OPCML: variants seen among roughly 807,000 people sequenced by gnomAD.
The protein encoded by OPCML is opioid-binding protein/cell adhesion molecule.
Under a neutral mutation model 37.8 loss-of-function variants are expected in OPCML, and 13 were observed. The observed-to-expected ratio is 0.34, with a 90% CI of 0.22 to 0.55. The LOEUF is 0.55. Among genes scored for constraint, OPCML ranks in the 20% least tolerant of loss-of-function variants. The pLI, the probability that OPCML is intolerant of heterozygous loss-of-function variation, is 0.91. For missense variants in OPCML, 341 were observed against 435.6 expected, an observed-to-expected ratio of 0.78 and a Z score of 1.93; for synonymous variants, 176 against 168.8, an observed-to-expected ratio of 1.04 and a Z score of -0.33.
At chr11:133,251,279 C>G (rs769407961) in intron 1 of OPCML, among the ~76,000 whole-genome samples, 1 of 151,838 alleles carries the variant, frequency 6.6e-6, no homozygotes, top group Non-Finnish European at 1.5e-5. Context: ...TTTTATAGAA[C>G]AGAAAAAAAG....
At chr11:133,372,490 A>G (rs74474358) in intron 1 of OPCML, among the ~76,000 whole-genome samples, 5,130 of 152,294 alleles carry the variant, frequency 0.034, 308 homozygotes, top group African/African-American at 0.12. Context: ...AAGCTCTTGG[A>G]AAATCTTTGA....
intron 1 of OPCML, among the ~76,000 whole-genome samples, chr11:133,199,989 A>G (rs1456460150): frequency 6.6e-6 from 1 of 152,208 alleles, no homozygotes; most frequent in Non-Finnish European, 1.5e-5. Context: ...GAAGTCTTTC[A>G]CAGTCTGGAT....
At chr11:133,295,638 G>T (rs1056923090) in intron 1 of OPCML, among the ~76,000 whole-genome samples, 7 of 152,148 alleles carry the variant, frequency 4.6e-5, no homozygotes, top group Admixed American at 2.0e-4. Context: ...CCTAAGAATG[G>T]CCGCTCCCTA....
intron 1 of OPCML, among the ~76,000 whole-genome samples, chr11:133,312,615 G>A (rs912149387): frequency 6.6e-6 from 1 of 152,200 alleles, no homozygotes; most frequent in African/African-American, 2.4e-5. Context: ...AATTAGTGGA[G>A]GCTCAAAGAA....
rs569186705 is a variant in OPCML, at chr11:132,644,903, A to T, written c.379+12184T>A. ...AAAAACAAATTGAATACAGGGACAA[A>T]GAATCAATAATCTAACAGAGCAACT... On this transcript the variant is annotated intron_variant, in intron 3 of 7. Coordinates refer to ENST00000524381, the MANE Select transcript of OPCML (RefSeq NM_001012393.5). 7.9e-5 allele frequency among the ~76,000 whole-genome samples: 12 copies of T among 152,380 alleles called. No individual in the cohort carries two copies. In the South Asian group the frequency reaches 2.5e-3, roughly 32 times the overall value.
rs1164939874 is a variant in OPCML, at chr11:133,211,088, AAACAGAGGCTTGCCCACTGC to A, written c.62-268098_62-268079del. ...TAGAAATGAAATGAGGCATCATTCA[AAACAGAGGCTTGCCCACTGC>A]AACTCAGCTTTCTAATCATTCGTGA... On this transcript the variant is annotated intron_variant, in intron 1 of 7. Coordinates refer to ENST00000524381, the MANE Select transcript of OPCML (RefSeq NM_001012393.5). This position sits in a 1 kb window ranked among gnomAD's most constrained non-coding sequence, Gnocchi z 4.1. 6.6e-6 allele frequency among the ~76,000 whole-genome samples: 1 copy of A among 152,226 alleles called. No individual in the cohort carries two copies. Among genetic ancestry groups the A allele is most frequent in the Non-Finnish European group, 1.5e-5 (1 of 68,036 alleles).
At chr11:133,141,098 A>AAGAAGAAGAAGG (rs1336454310) in intron 1 of OPCML, among the ~76,000 whole-genome samples, 1 of 143,386 alleles carries the variant, frequency 7.0e-6, no homozygotes, top group African/African-American at 2.5e-5. Context: ...GAAGAAGGAG[A>AAGAAGAAGAAGG]AGAAGAAGCA....
At chr11:132,679,857 C>T (rs916380846) in intron 2 of OPCML, among the ~76,000 whole-genome samples, 1 of 152,110 alleles carries the variant, frequency 6.6e-6, no homozygotes, top group Non-Finnish European at 1.5e-5. Flanking sequence ...AAAATTAATG[C>T]TATGATTATG....
chr11:132,652,385 C>CACACACACACAG (rs3222177), intron 3 of OPCML, among the ~76,000 whole-genome samples: 1 of 126,876 alleles, frequency 7.9e-6, no homozygotes, highest in African/African-American at 3.6e-5. Context: ...CACACACACA[C>CACACACACACAG]AGAGAGAGAA....
chr11:133,239,222 C>T (rs1478862971), intron 1 of OPCML, among the ~76,000 whole-genome samples: 2 of 152,238 alleles, frequency 1.3e-5, no homozygotes, highest in South Asian at 2.1e-4. Flanking sequence ...ACCAAGTACT[C>T]GGTCAGATGT....
chr11:132,726,123 C>T (rs551952786), intron 2 of OPCML, among the ~76,000 whole-genome samples: 1 of 152,302 alleles, frequency 6.6e-6, no homozygotes, highest in Non-Finnish European at 1.5e-5. Context: ...GTTGCTTATA[C>T]ATTTTTGGGT....
intron 4 of OPCML, among the ~76,000 whole-genome samples, chr11:132,524,118 C>A (rs976148604): frequency 6.6e-6 from 1 of 152,220 alleles, no homozygotes; most frequent in Non-Finnish European, 1.5e-5. Context: ...CTCCTTAGAA[C>A]ACAACAGACT....
chr11:133,287,656 C>G (rs1942341808), intron 1 of OPCML, among the ~76,000 whole-genome samples: 1 of 152,056 alleles, frequency 6.6e-6, no homozygotes, highest in African/African-American at 2.4e-5. Flanking sequence ...GGGCTCCCAG[C>G]AGACAGGCAG....
intron 1 of OPCML, among the ~76,000 whole-genome samples, chr11:133,078,430 T>TA (rs1480670257): frequency 3.3e-5 from 5 of 152,202 alleles, no homozygotes; most frequent in East Asian, 3.9e-4. Context: ...AGACTGAGGA[T>TA]AAAAGAAAAT....
rs550900759 is a variant in OPCML at position 133,223,208 on chromosome 11, G to A, written c.62-280198C>T. On this transcript the variant is annotated intron_variant, in intron 1 of 7. Transcript: ENST00000524381. ...GGCCTAACCATTGTCTGTCTTCACC[G>A]CCCAGTGCAATGATTTCAGATTTGG... 3.9e-5 allele frequency among the ~76,000 whole-genome samples: 6 copies of A among 152,264 alleles called. No individual in the cohort carries two copies. The East Asian group carries it at 5.8e-4, about 15-fold the overall frequency.
chr11:133,438,404 C>G (rs1946289491), intron 1 of OPCML, among the ~76,000 whole-genome samples: 1 of 151,976 alleles, frequency 6.6e-6, no homozygotes, highest in South Asian at 2.1e-4. Flanking sequence ...AAAAAACAAA[C>G]AAACAAGCAA....
chr11:133,140,790 A>T (rs5002554), intron 1 of OPCML, among the ~76,000 whole-genome samples: 29,926 of 36,834 alleles, frequency 0.81, 12,767 homozygotes, highest in East Asian at 0.98. Flanking sequence ...AAGACGACGA[A>T]GAAGAAGAAG....
intron 1 of OPCML, among the ~76,000 whole-genome samples, chr11:133,517,354 T>C (rs921691397): frequency 1.3e-5 from 2 of 152,236 alleles, no homozygotes; most frequent in Non-Finnish European, 1.5e-5. Flanking sequence ...ATGCCTAAAA[T>C]GGTTTTTGTA....
At chr11:132,869,104 C>A (rs1942695177) in intron 2 of OPCML, among the ~76,000 whole-genome samples, 2 of 152,092 alleles carry the variant, frequency 1.3e-5, no homozygotes, top group South Asian at 4.1e-4. Context: ...GGAGAAAGAG[C>A]CAGGGCTGAG....
Sources: allele counts gnomAD v4.1 joint callset (sites outside exome capture counted in the v4.1 genomes callset), GRCh38; gene constraint gnomAD v4.1.1; non-coding constraint Gnocchi (gnomAD v3.1); transcripts MANE v1.5; gene names NCBI Gene and HGNC (gene_info 2026-07-23, HGNC 2026-07-21).